TEX36: variants seen among roughly 807,000 people sequenced by gnomAD.
TEX36 encodes the protein testis-expressed protein 36.
In TEX36, 12 loss-of-function variants were observed where a neutral mutation model predicts 13.6. That is an observed-to-expected ratio of 0.88 (90% confidence interval 0.56 to 1.43). The LOEUF is 1.43. Among genes scored for constraint, TEX36 ranks in the 40% most tolerant of loss-of-function variants. The pLI, the probability that TEX36 is intolerant of heterozygous loss-of-function variation, is 0.00. For synonymous variants in TEX36, 93 were observed against 83.0 expected (o/e 1.12, Z -0.65); for missense variants, 224 against 228.3 (o/e 0.98, Z 0.12).
intron 3 of TEX36, among the ~76,000 whole-genome samples, chr10:125,649,697 C>A (rs1343847407): frequency 6.6e-6 from 1 of 152,174 alleles, no homozygotes; most frequent in Non-Finnish European, 1.5e-5. Context: ...AAGACACAGA[C>A]TGGCAAATTG....
At chr10:125,583,457 C>T (rs1321588897) in intron 3 of TEX36, among the ~76,000 whole-genome samples, 1 of 152,098 alleles carries the variant, frequency 6.6e-6, no homozygotes, top group Non-Finnish European at 1.5e-5. Flanking sequence ...GGTGGAAGAA[C>T]AAAAGGTTCT....
At chr10:125,604,350 T>A (rs1297634621) in intron 3 of TEX36, among the ~76,000 whole-genome samples, 1 of 152,198 alleles carries the variant, frequency 6.6e-6, no homozygotes, top group African/African-American at 2.4e-5. Context: ...TATTGTGAAC[T>A]GTGCATGCAA....
intron 3 of TEX36, among the ~76,000 whole-genome samples, chr10:125,623,851 A>G (rs1006093894): frequency 6.6e-6 from 1 of 152,224 alleles, no homozygotes; most frequent in Non-Finnish European, 1.5e-5. Context: ...TGCAGTTTGA[A>G]TCTATAAATA....
intron 3 of TEX36, among the ~76,000 whole-genome samples, chr10:125,598,334 A>G (rs915654139): frequency 6.6e-6 from 1 of 152,240 alleles, no homozygotes; most frequent in Non-Finnish European, 1.5e-5. Flanking sequence ...AAACAGGATT[A>G]CAAAAACTGG....
At chr10:125,591,930 C>T (rs1482976411) in intron 3 of TEX36, among the ~76,000 whole-genome samples, 2 of 152,120 alleles carry the variant, frequency 1.3e-5, no homozygotes, top group Non-Finnish European at 2.9e-5. Flanking sequence ...AGGGCCCAGG[C>T]TCAACAATAT....
chr10:125,672,842 G>A (rs1419859749), intron 1 of TEX36, among the ~76,000 whole-genome samples: 1 of 152,126 alleles, frequency 6.6e-6, no homozygotes, highest in Admixed American at 6.5e-5. Context: ...AGGATAGTTA[G>A]CTCTTCTTGT....
In TEX36 at chr10:125,671,705, G is replaced by T. The variant is rs941881537; in HGVS notation, c.52-9728C>A. 3.9e-5 allele frequency among the ~76,000 whole-genome samples: 6 copies of T among 152,194 alleles called. No homozygotes were observed. The South Asian group carries it at 1.0e-3, about 26-fold the overall frequency. ...TGTTCTGAAAAGTTTCAGGAGAAATGATACCAGCTCTTTTTTGTACCTCTG... is the reference window on the plus strand; with the variant it reads ...TGTTCTGAAAAGTTTCAGGAGAAATTATACCAGCTCTTTTTTGTACCTCTG... On this transcript the variant is annotated intron_variant, in intron 1 of 3. Transcript: ENST00000368821.
chr10:125,669,971 T>G (rs540549570), intron 1 of TEX36, among the ~76,000 whole-genome samples: 41 of 152,134 alleles, frequency 2.7e-4, no homozygotes, highest in African/African-American at 9.6e-4. Context: ...GGTGTACATG[T>G]ACATTTTCTT....
intron 3 of TEX36, among the ~76,000 whole-genome samples, chr10:125,582,162 C>T (rs1565166018): frequency 6.6e-6 from 1 of 152,176 alleles, no homozygotes; most frequent in African/African-American, 2.4e-5. Flanking sequence ...AGCAGCATCC[C>T]GCAGGGGTGG....
chr10:125,653,435 A>C (rs1349394572), downstream of TEX36, among the ~76,000 whole-genome samples: 1 of 143,740 alleles, frequency 7.0e-6, no homozygotes, highest in African/African-American at 2.6e-5. Context: ...GGAATTGAAC[A>C]ATGTGAACAC....
chr10:125,607,779 T>C (rs1846233796), intron 3 of TEX36, among the ~76,000 whole-genome samples: 2 of 152,070 alleles, frequency 1.3e-5, no homozygotes, highest in East Asian at 3.9e-4. Context: ...AAATATTTAC[T>C]GGGTAAGCAA....
exon 4 of TEX36, chr10:125,576,832 T>C: frequency 6.5e-7 from 1 of 1,536,086 alleles, no homozygotes; most frequent in Non-Finnish European, 8.7e-7. Flanking sequence ...AACTCTTGTC[T>C]CTTGTCTGGT....
At chr10:125,629,307 T>A (rs1169026175) in intron 3 of TEX36, among the ~76,000 whole-genome samples, 1 of 152,224 alleles carries the variant, frequency 6.6e-6, no homozygotes, top group African/African-American at 2.4e-5. Flanking sequence ...AAAAAACCCA[T>A]GTTCTGAGAA....
chr10:125,576,812 C>T (rs909532538), exon 4 of TEX36: 17 of 1,535,866 alleles, frequency 1.1e-5, no homozygotes, highest in African/African-American at 9.6e-5. Context: ...GGGTCCTCAC[C>T]GGCTCATAGA....
rs190856521 is a variant in TEX36 at position 125,683,066 on chromosome 10, T to C, written c.-77A>G. ...AGCTCTACATGTCTGGGAAGCTGCT[T>C]CCTAAACTTCATAAGCTCTACACGT... On this transcript the variant is annotated 5_prime_UTR_variant, in exon 1 of 4. Coordinates refer to ENST00000368821, the MANE Select transcript of TEX36 (RefSeq NM_001128202.3). The C allele has an allele frequency of 1.1e-5, 17 of 1,480,778 alleles. No individual in the cohort carries two copies. The East Asian group carries it at 3.9e-4, about 34-fold the overall frequency. The allele number at this position is 1,480,778 out of a possible 1,614,324, so 91.7% of individuals were successfully genotyped here. A position where few individuals can be genotyped will look rare whatever the true frequency, so the allele number is the denominator to read the frequency against.
At chr10:125,642,246 G>A (rs191028027) in intron 3 of TEX36, among the ~76,000 whole-genome samples, 1 of 152,280 alleles carries the variant, frequency 6.6e-6, no homozygotes, top group Admixed American at 6.5e-5. Flanking sequence ...GCAAAGACAG[G>A]GCCTTGCAGA....
At chr10:125,610,689 G>A (rs1846278244) in intron 3 of TEX36, among the ~76,000 whole-genome samples, 2 of 151,862 alleles carry the variant, frequency 1.3e-5, no homozygotes, top group South Asian at 4.2e-4. Context: ...TGTAGTATTT[G>A]CCAATATTTT....
At chr10:125,592,855 A>G (rs1326730556) in intron 3 of TEX36, among the ~76,000 whole-genome samples, 2 of 152,182 alleles carry the variant, frequency 1.3e-5, no homozygotes, top group Non-Finnish European at 2.9e-5. Flanking sequence ...GAATGCTACA[A>G]AGGATAGAGA....
intron 1 of TEX36, 70 bp downstream of exon 1, chr10:125,682,869 G>A (rs1847417876): frequency 1.3e-6 from 2 of 1,499,844 alleles, no homozygotes; most frequent in Admixed American, 3.9e-5. Context: ...AAGCAGGATT[G>A]GAACTCCTCA....
Sources: gnomAD v4.1 joint callset for allele counts (sites outside exome capture counted in the v4.1 genomes callset) on GRCh38, gnomAD v4.1.1 for gene constraint, MANE v1.5 for transcripts, NCBI Gene and HGNC (gene_info 2026-07-23, HGNC 2026-07-21) for gene names.